The following GJC1 variants were observed in gnomAD, a reference collection of about 807,000 sequenced individuals.
GJC1 encodes gap junction protein gamma 1.
In GJC1, 5 loss-of-function variants were observed where a neutral mutation model predicts 29.3. The ratio of observed to expected loss-of-function variants is 0.17; its 90% CI spans 0.09 to 0.36. The LOEUF is 0.36. Ranked by LOEUF, GJC1 falls within the 10% of genes least tolerant of loss-of-function variation. The probability of loss-of-function intolerance (pLI) is 1.00; values close to 1 mark genes in which losing one functional copy is unlikely to be tolerated. For missense variants in GJC1, 310 were observed against 496.2 expected (o/e 0.62, Z 3.56); for synonymous variants, 177 against 183.3 (o/e 0.97, Z 0.28).
At chr17:44,811,334 G>A (rs1391711563) in intron 1 of GJC1, among the ~76,000 whole-genome samples, 2 of 150,978 alleles carry the variant, frequency 1.3e-5, no homozygotes, top group Non-Finnish European at 3.0e-5. Flanking sequence ...CACCCACCTC[G>A]GCCTCCCAAA....
intron 1 of GJC1, among the ~76,000 whole-genome samples, chr17:44,815,273 G>C (rs2050029464): frequency 6.6e-6 from 1 of 152,060 alleles, no homozygotes; most frequent in Non-Finnish European, 1.5e-5. Context: ...TCCATCTCTT[G>C]GGTTCAAGTG....
chr17:44,828,943 T>G (rs1228276286), intron 1 of GJC1, among the ~76,000 whole-genome samples: 3 of 151,888 alleles, frequency 2.0e-5, no homozygotes, highest in East Asian at 3.8e-4. Context: ...ATCAGGAAAT[T>G]AAAATCCCTT....
downstream of GJC1, among the ~76,000 whole-genome samples, chr17:44,797,328 A>G (rs937826556): frequency 1.3e-5 from 2 of 152,158 alleles, no homozygotes; most frequent in African/African-American, 4.8e-5. Flanking sequence ...GAATGGACTC[A>G]ATCTCCTGAC....
At chr17:44,815,045 G>A (rs1486809053) in intron 1 of GJC1, among the ~76,000 whole-genome samples, 2 of 152,160 alleles carry the variant, frequency 1.3e-5, no homozygotes, top group African/African-American at 2.4e-5. Flanking sequence ...AGATTCAGCT[G>A]TGAATGGCTC....
intron 1 of GJC1, among the ~76,000 whole-genome samples, chr17:44,822,331 G>A (rs541143263): frequency 4.0e-5 from 6 of 151,374 alleles, no homozygotes; most frequent in South Asian, 2.1e-4. Context: ...TCTTTTTGAC[G>A]GAATAAAAAC....
intron 1 of GJC1, among the ~76,000 whole-genome samples, chr17:44,808,413 C>A (rs1478199585): frequency 1.4e-5 from 2 of 141,020 alleles, no homozygotes; most frequent in Non-Finnish European, 3.1e-5. Context: ...GTAGATAGAA[C>A]AACACCCTGT....
Position 44,803,629 on chromosome 17 carries a change from A to C in GJC1, c.*998T>G, listed in dbSNP as rs1017132506. Reference sequence around the variant, plus strand: ...TCTTGGTTGACAAGGGAATGTTTGCATTTCTAATGTTAACAAAGAAAATAT... The same window carrying C: ...TCTTGGTTGACAAGGGAATGTTTGCCTTTCTAATGTTAACAAAGAAAATAT... On this transcript the variant is annotated 3_prime_UTR_variant, in exon 3 of 3. Transcript: ENST00000592524. 6.6e-6 allele frequency: 1 copy of C among 152,244 alleles called. No homozygotes were observed. The highest frequency in any genetic ancestry group is 6.5e-5 in the Admixed American group (1 of 15,278). The allele number at this position is 152,244 out of a possible 1,614,324, so 9.4% of individuals were successfully genotyped here.
intron 1 of GJC1, among the ~76,000 whole-genome samples, chr17:44,827,874 G>C (rs1411735396): frequency 2.0e-5 from 3 of 151,362 alleles, no homozygotes; most frequent in Non-Finnish European, 2.9e-5. Flanking sequence ...AAAAAAAAAA[G>C]GAAAAGGAAA....
upstream of GJC1, chr17:44,830,321 G>A (rs1039253858): frequency 4.6e-5 from 7 of 153,606 alleles, no homozygotes; most frequent in Non-Finnish European, 1.0e-4. The surrounding 1 kb of genome is among the most constrained non-coding windows in gnomAD (Gnocchi z 4.3). Context: ...GGGGGCGGGG[G>A]CGTCCCGCCG....
chr17:44,807,829 C>T (rs2049928736), intron 1 of GJC1: 1 of 152,162 alleles, frequency 6.6e-6, no homozygotes, highest in Admixed American at 6.5e-5. Flanking sequence ...TTGCAAAAAC[C>T]TTCACCCCAT....
In GJC1 at chr17:44,798,806, C is replaced by T. The variant is rs1439114595; in HGVS notation, c.*5821G>A. ...TTAAAACACAATTGAGAGTATAATA[C>T]AGAAAAACATTTAAATCTTGGAAGC... is the stretch of plus-strand genomic sequence containing the variant. On this transcript the variant is annotated 3_prime_UTR_variant, in exon 3 of 3. Coordinates refer to ENST00000592524, the MANE Select transcript of GJC1 (RefSeq NM_005497.4). The T allele has an allele frequency of 1.3e-5, 2 of 152,158 alleles. No individual in the cohort carries two copies. The highest frequency in any genetic ancestry group is 1.5e-5 in the Non-Finnish European group (1 of 68,028). The allele number at this position is 152,158 out of a possible 1,614,324, so 9.4% of individuals were successfully genotyped here.
downstream of GJC1, among the ~76,000 whole-genome samples, chr17:44,795,990 C>A (rs937795726): frequency 6.6e-6 from 1 of 152,214 alleles, no homozygotes; most frequent in Non-Finnish European, 1.5e-5. Context: ...GGAGTCCGGC[C>A]GCTTGGCGGC....
intron 1 of GJC1, among the ~76,000 whole-genome samples, chr17:44,817,385 C>T (rs2050055523): frequency 6.6e-6 from 1 of 151,102 alleles, no homozygotes; most frequent in Admixed American, 6.6e-5. Context: ...CTATGTGACC[C>T]TAATCCCAGT....
chr17:44,808,894 A>G (rs571580807), intron 1 of GJC1, among the ~76,000 whole-genome samples: 5 of 152,114 alleles, frequency 3.3e-5, no homozygotes, highest in Admixed American at 6.5e-5. Flanking sequence ...CCAGACCAAC[A>G]TGGACTGACC....
chr17:44,813,994 G>C lies in GJC1; in HGVS notation c.-96-6525C>G, dbSNP rs139662608. 3.6e-3 allele frequency among the ~76,000 whole-genome samples: 549 copies of C among 152,250 alleles called. 1 individual carries two copies. The highest frequency in any genetic ancestry group is 0.013 in the African/African-American group (534 of 41,536). ...TGTTACAGAGTACAATACTCCTCCAGAGAAATTAAGATCATTTCAAGAAGT... is the reference window on the plus strand; with the variant it reads ...TGTTACAGAGTACAATACTCCTCCACAGAAATTAAGATCATTTCAAGAAGT... On this transcript the variant is annotated intron_variant, in intron 1 of 2. Transcript: ENST00000592524.
At chr17:44,819,748 A>T (rs1053570792) in intron 1 of GJC1, among the ~76,000 whole-genome samples, 1 of 152,238 alleles carries the variant, frequency 6.6e-6, no homozygotes, top group Non-Finnish European at 1.5e-5. Flanking sequence ...TATATTCCAT[A>T]GTATGTACAT....
chr17:44,803,372 C>T lies in GJC1; in HGVS notation c.*1255G>A, dbSNP rs2049874405. 1 of 152,144 alleles carries T rather than the reference C, an allele frequency of 6.6e-6. No homozygotes were observed. The highest frequency in any genetic ancestry group is 6.5e-5 in the Admixed American group (1 of 15,276). The allele number at this position is 152,144 out of a possible 1,614,324, so 9.4% of individuals were successfully genotyped here. The stretch of plus-strand genomic sequence containing the variant: ...GACAATAAAAGACTGCAATAAAAGA[C>T]TAGTGGGATGAACATGAATGCTTGT... On this transcript the variant is annotated 3_prime_UTR_variant, in exon 3 of 3. Coordinates refer to ENST00000592524, the MANE Select transcript of GJC1 (RefSeq NM_005497.4).
At chr17:44,806,401 GTTTTTTTTTT>G (rs35152035) in intron 2 of GJC1, among the ~76,000 whole-genome samples, 1 of 122,138 alleles carries the variant, frequency 8.2e-6, no homozygotes, top group African/African-American at 3.0e-5. Context: ...TCTTCTGTTT[GTTTTTTTTTT>G]TTTTTTTTGA....
chr17:44,809,029 G>A (rs1361122417), intron 1 of GJC1, among the ~76,000 whole-genome samples: 1 of 152,142 alleles, frequency 6.6e-6, no homozygotes, highest in Non-Finnish European at 1.5e-5. Flanking sequence ...GCGGTGAGCT[G>A]AGATTGTGCC....
Sources: gnomAD v4.1 joint callset for allele counts (sites outside exome capture counted in the v4.1 genomes callset) on GRCh38, gnomAD v4.1.1 for gene constraint, Gnocchi (gnomAD v3.1) non-coding constraint, MANE v1.5 for transcripts, NCBI Gene and HGNC (gene_info 2026-07-23, HGNC 2026-07-21) for gene names.